The following RBFOX1 variants were observed in gnomAD, a reference collection of about 807,000 sequenced individuals.
RBFOX1 encodes RNA binding fox-1 homolog 1.
A neutral mutation model predicts 57.7 loss-of-function variants in RBFOX1; 8 were observed. The ratio of observed to expected loss-of-function variants is 0.14; its 90% CI spans 0.08 to 0.25. The LOEUF (loss-of-function observed/expected upper bound fraction) is 0.25, where lower values mean the gene tolerates loss of function less well. Ranked by LOEUF, RBFOX1 falls within the 10% of genes least tolerant of loss-of-function variation. The probability of loss-of-function intolerance (pLI) is 1.00; values close to 1 mark genes in which losing one functional copy is unlikely to be tolerated. For missense variants in RBFOX1, 611 were observed against 548.5 expected (o/e 1.11, Z -1.14); for synonymous variants, 326 against 222.4 (o/e 1.47, Z -4.15).
At chr16:6,858,834 C>G (rs573142829) in intron 3 of RBFOX1, among the ~76,000 whole-genome samples, 13 of 152,020 alleles carry the variant, frequency 8.6e-5, no homozygotes, top group African/African-American at 2.9e-4. Context: ...GAAGTATAAT[C>G]TTCAATTCAA....
In RBFOX1 at chr16:7,377,982, G is replaced by A. The variant is rs149734345; in HGVS notation, c.28-140165G>A. On this transcript the variant is annotated intron_variant, in intron 4 of 15. Coordinates refer to ENST00000550418, the MANE Select transcript of RBFOX1 (RefSeq NM_018723.4). ...AGCCAGGGAGGTATGGAGAGGAAGA[G>A]CACGGGGAACAGAATGTGCAAAGTC... 5.9e-5 allele frequency among the ~76,000 whole-genome samples: 9 copies of A among 152,314 alleles called. No individual in the cohort carries two copies. The East Asian group carries it at 1.7e-3, about 29-fold the overall frequency.
chr16:6,055,171 G>C (rs555935288), intron 1 of RBFOX1, among the ~76,000 whole-genome samples: 18 of 152,074 alleles, frequency 1.2e-4, no homozygotes, highest in African/African-American at 3.6e-4. Context: ...AATGAGTAAA[G>C]GCTTTTTGCT....
At chr16:7,017,944 G>T (rs534165881) in intron 3 of RBFOX1, among the ~76,000 whole-genome samples, 1 of 152,194 alleles carries the variant, frequency 6.6e-6, no homozygotes, top group Non-Finnish European at 1.5e-5. Context: ...TGTCGGCGAC[G>T]TGTGAATTAG....
chr16:6,849,481 A>G (rs1165795369), intron 3 of RBFOX1, among the ~76,000 whole-genome samples: 3 of 152,152 alleles, frequency 2.0e-5, no homozygotes, highest in African/African-American at 7.2e-5. Context: ...CAGCCTCGCC[A>G]ATATGGCAAA....
chr16:6,665,410 T>C (rs2098725688), intron 3 of RBFOX1, among the ~76,000 whole-genome samples: 1 of 152,100 alleles, frequency 6.6e-6, no homozygotes. Flanking sequence ...GGTCAAGAGT[T>C]GGAGACCAGC....
At chr16:6,710,825 C>A (rs1191521151) in intron 3 of RBFOX1, among the ~76,000 whole-genome samples, 2 of 152,200 alleles carry the variant, frequency 1.3e-5, no homozygotes, top group African/African-American at 2.4e-5. Context: ...TCCCCTGTAA[C>A]TGTAGCAAAA....
intron 2 of RBFOX1, among the ~76,000 whole-genome samples, chr16:5,541,566 T>C (rs538566262): frequency 1.1e-4 from 16 of 152,278 alleles, no homozygotes; most frequent in Non-Finnish European, 1.8e-4. Flanking sequence ...TGATTAGCCT[T>C]TCCAAAGGAG....
intron 3 of RBFOX1, among the ~76,000 whole-genome samples, chr16:6,862,958 C>A (rs1458817099): frequency 6.7e-6 from 1 of 150,104 alleles, no homozygotes; most frequent in Non-Finnish European, 1.5e-5. Flanking sequence ...GCACTCCAGC[C>A]TGGGCGACAG....
intron 4 of RBFOX1, among the ~76,000 whole-genome samples, chr16:7,141,729 C>T (rs1217855978): frequency 1.3e-5 from 2 of 152,112 alleles, no homozygotes; most frequent in East Asian, 3.9e-4. Flanking sequence ...CCTCATCATC[C>T]TATCCACCAG....
chr16:6,244,188 ATTT>A (rs796777268), intron 1 of RBFOX1, among the ~76,000 whole-genome samples: 11 of 144,120 alleles, frequency 7.6e-5, no homozygotes, highest in Non-Finnish European at 1.5e-4. Context: ...CACTGTCAAC[ATTT>A]TTTTTTTTTT....
intron 13 of RBFOX1, among the ~76,000 whole-genome samples, chr16:7,669,184 G>A (rs2070517714): frequency 2.0e-5 from 3 of 152,316 alleles, no homozygotes; most frequent in Admixed American, 1.3e-4. Context: ...GATTACAGGT[G>A]TGACCCACCA....
At chr16:5,533,799 G>C (rs2044582713) in intron 2 of RBFOX1, among the ~76,000 whole-genome samples, 1 of 152,178 alleles carries the variant, frequency 6.6e-6, no homozygotes, top group Non-Finnish European at 1.5e-5. Flanking sequence ...GGTCTGTACT[G>C]TTGGTAGGTT....
At chr16:5,863,806 C>G (rs2057283357) in intron 3 of RBFOX1, among the ~76,000 whole-genome samples, 1 of 152,166 alleles carries the variant, frequency 6.6e-6, no homozygotes, top group African/African-American at 2.4e-5. Flanking sequence ...TCTACTGTGC[C>G]CTCATATGTG....
chr16:6,428,560 C>G (rs1432274563), intron 2 of RBFOX1, among the ~76,000 whole-genome samples: 1 of 151,994 alleles, frequency 6.6e-6, no homozygotes, highest in African/African-American at 2.4e-5. Context: ...AATTCTGTTA[C>G]TTTATAGGGT....
chr16:5,466,429 G>A (rs980380776), intron 1 of RBFOX1, among the ~76,000 whole-genome samples: 3 of 152,126 alleles, frequency 2.0e-5, no homozygotes, highest in African/African-American at 2.4e-5. Flanking sequence ...GTGCTTGGCT[G>A]ATTTCAGAGC....
chr16:5,661,888 C>T (rs930653554), intron 3 of RBFOX1, among the ~76,000 whole-genome samples: 1 of 151,984 alleles, frequency 6.6e-6, no homozygotes, highest in Non-Finnish European at 1.5e-5. Context: ...TGGGGTCAAG[C>T]GATTCTCCTG....
At chr16:6,188,125 T>G (rs1417165057) in intron 1 of RBFOX1, among the ~76,000 whole-genome samples, 1 of 152,128 alleles carries the variant, frequency 6.6e-6, no homozygotes. Flanking sequence ...ATTTGTAAGT[T>G]TTGCATCCCA....
At chr16:6,140,556 C>T (rs867351689) in intron 1 of RBFOX1, among the ~76,000 whole-genome samples, 1 of 152,104 alleles carries the variant, frequency 6.6e-6, no homozygotes, top group South Asian at 2.1e-4. Flanking sequence ...TTCACATTCC[C>T]AAGTATCCTC....
intron 3 of RBFOX1, among the ~76,000 whole-genome samples, chr16:6,671,234 A>G (rs1439310962): frequency 6.6e-6 from 1 of 152,188 alleles, no homozygotes; most frequent in East Asian, 1.9e-4. Flanking sequence ...TAAATGCTTA[A>G]TCTTAAGGTA....
Sources: allele counts gnomAD v4.1 joint callset (sites outside exome capture counted in the v4.1 genomes callset), GRCh38; gene constraint gnomAD v4.1.1; transcripts MANE v1.5; gene names NCBI Gene and HGNC (gene_info 2026-07-23, HGNC 2026-07-21).